Variants in PCDHGA3 observed in about 807,000 individuals in gnomAD.
PCDHGA3 encodes protocadherin gamma-A3.
In PCDHGA3, 40 loss-of-function variants were observed where a neutral mutation model predicts 58.5. That is an observed-to-expected ratio of 0.68 (90% CI 0.53 to 0.89). The LOEUF (loss-of-function observed/expected upper bound fraction) is 0.89. PCDHGA3 is among the 40% of genes least tolerant of loss of function. The pLI is 0.00. For synonymous variants in PCDHGA3, 530 were observed against 525.7 expected, an observed-to-expected ratio of 1.01 and a Z score of -0.11; for missense variants, 1,223 against 1,195.9, an observed-to-expected ratio of 1.02 and a Z score of -0.33.
intron 1 of PCDHGA3, among the ~76,000 whole-genome samples, chr5:141,467,055 C>CTTT (rs1193465269): frequency 2.2e-5 from 3 of 134,494 alleles, no homozygotes; most frequent in Admixed American, 7.5e-5. Context: ...TCAATGTTTT[C>CTTT]TTTTTTTTTT....
chr5:141,410,341 G>A (rs759674499), intron 1 of PCDHGA3: 1 of 1,613,992 alleles, frequency 6.2e-7, no homozygotes, highest in Non-Finnish European at 8.5e-7. Context: ...CCATTGCCTT[G>A]CGCCTGCGAC....
At chr5:141,417,635 G>A in intron 1 of PCDHGA3, 1 of 724,902 alleles carries the variant, frequency 1.4e-6, no homozygotes, top group Non-Finnish European at 2.1e-6. Context: ...CTGACGCCGG[G>A]GATCCCTCAG....
rs770354956 is a variant in PCDHGA3, at chr5:141,399,731, C to T, written c.2424+53274C>T. Reference sequence around the variant, plus strand: ...ACACTACAGGCCCGCGACCAGGGCTCGCCTGCGCTCAGCGCAAACGTGAGC... The same window carrying T: ...ACACTACAGGCCCGCGACCAGGGCTTGCCTGCGCTCAGCGCAAACGTGAGC... On this transcript the variant is annotated intron_variant, in intron 1 of 3. Transcript: ENST00000253812. 229 of 1,613,292 alleles carry T rather than the reference C, an allele frequency of 1.4e-4. No homozygotes were observed. The highest frequency in any genetic ancestry group is 1.8e-4 in the Non-Finnish European group (217 of 1,179,878).
Position 141,486,319 on chromosome 5 carries a change from C to T in PCDHGA3, c.2425-8488C>T, listed in dbSNP as rs148184642. The T allele has an allele frequency of 1.7e-4, 268 of 1,614,058 alleles. No individual in the cohort carries two copies. The African/African-American group carries it at 1.7e-3, about 10-fold the overall frequency. Reference sequence around the variant, plus strand: ...TGCAGGATCCAGACTCAGGGTCAAACGGAGATGTGAGCCTCCGCATTCCTG... The same window carrying T: ...TGCAGGATCCAGACTCAGGGTCAAATGGAGATGTGAGCCTCCGCATTCCTG... On this transcript the variant is annotated intron_variant, in intron 1 of 3. Transcript: ENST00000253812. The surrounding 1 kb of genome is among the most constrained non-coding windows in gnomAD (Gnocchi z 5.0).
intron 1 of PCDHGA3, among the ~76,000 whole-genome samples, chr5:141,474,463 T>C (rs1447737626): frequency 6.6e-6 from 1 of 152,228 alleles, no homozygotes; most frequent in Admixed American, 6.5e-5. Flanking sequence ...GCTATACTCT[T>C]TATTCTAAAT....
intron 1 of PCDHGA3, chr5:141,350,940 T>A (rs1185001853): frequency 6.2e-7 from 1 of 1,614,094 alleles, no homozygotes; most frequent in South Asian, 1.1e-5. Context: ...CATATCTGGA[T>A]CCGAGTTACG....
At chr5:141,375,177 T>C in intron 1 of PCDHGA3, 1 of 1,614,004 alleles carries the variant, frequency 6.2e-7, no homozygotes, top group Non-Finnish European at 8.5e-7. Flanking sequence ...CCAGGAACAG[T>C]AATCGCCCTT....
intron 1 of PCDHGA3, among the ~76,000 whole-genome samples, chr5:141,349,444 A>T (rs554674177): frequency 1.3e-5 from 2 of 152,234 alleles, no homozygotes; most frequent in Non-Finnish European, 2.9e-5. Context: ...ATTCCACTTC[A>T]TAAAAGCATG....
chr5:141,393,315 C>A, intron 1 of PCDHGA3: 1 of 1,613,104 alleles, frequency 6.2e-7, no homozygotes. Flanking sequence ...GAACTCCCTC[C>A]AGAGCTACCA....
chr5:141,389,457 G>A, intron 1 of PCDHGA3: 1 of 1,613,220 alleles, frequency 6.2e-7, no homozygotes, highest in Non-Finnish European at 8.5e-7. Context: ...GCAGCTGCGC[G>A]CCTTCGAACT....
chr5:141,511,403 A>C lies in PCDHGA3; in HGVS notation c.*230A>C. On this transcript the variant is annotated 3_prime_UTR_variant, in exon 4 of 4. Coordinates refer to ENST00000253812, the MANE Select transcript of PCDHGA3 (RefSeq NM_018916.4). Reference sequence around the variant, plus strand: ...TCCGCTGGGAACCCCCATCCAATCAACTGCTGTACCCATGGGGGTAGTGGG... The same window carrying C: ...TCCGCTGGGAACCCCCATCCAATCACCTGCTGTACCCATGGGGGTAGTGGG... 8.5e-6 allele frequency: 8 copies of C among 939,018 alleles called. No individual in the cohort carries two copies. The highest frequency in any genetic ancestry group is 1.2e-5 in the Non-Finnish European group (8 of 650,834). The allele number at this position is 939,018 out of a possible 1,614,324, so 58.2% of individuals were successfully genotyped here. A position where few individuals can be genotyped will look rare whatever the true frequency, so the allele number is the denominator to read the frequency against.
At chr5:141,447,437 G>A (rs1435222330) in intron 1 of PCDHGA3, among the ~76,000 whole-genome samples, 3 of 152,128 alleles carry the variant, frequency 2.0e-5, no homozygotes, top group Non-Finnish European at 2.9e-5. Context: ...CGCACCCGGA[G>A]GAAATTTTTA....
chr5:141,365,760 A>G, intron 1 of PCDHGA3: 1 of 1,613,756 alleles, frequency 6.2e-7, no homozygotes, highest in Non-Finnish European at 8.5e-7. Context: ...GTGACAGCCC[A>G]TGACCCCGAC....
At chr5:141,429,164 G>A (rs2097189096) in intron 1 of PCDHGA3, 1 of 131,392 alleles carries the variant, frequency 7.6e-6, no homozygotes, top group African/African-American at 3.1e-5. Flanking sequence ...CGGAGACATT[G>A]TTTATACACA....
At chr5:141,469,362 G>C (rs915161729) in intron 1 of PCDHGA3, among the ~76,000 whole-genome samples, 14 of 152,084 alleles carry the variant, frequency 9.2e-5, no homozygotes, top group Non-Finnish European at 7.4e-5. Flanking sequence ...GGATCATGAG[G>C]TAAAGAGATC....
chr5:141,486,474 C>G lies in PCDHGA3; in HGVS notation c.2425-8333C>G. ...ACTGCTTCTGATGCTGGGAACCCTC[C>G]TCTCAGTACCCACAGAACTATTTTC... On this transcript the variant is annotated intron_variant, in intron 1 of 3. Transcript: ENST00000253812. The surrounding 1 kb of genome is among the most constrained non-coding windows in gnomAD (Gnocchi z 5.0). The G allele has an allele frequency of 6.2e-7, 1 of 1,614,016 alleles. No individual in the cohort carries two copies. Among genetic ancestry groups the G allele is most frequent in the Non-Finnish European group, 8.5e-7 (1 of 1,179,822 alleles).
rs761938460 is a variant in PCDHGA3 at position 141,393,330 on chromosome 5, AG to A, written c.2424+46874del. On this transcript the variant is annotated intron_variant, in intron 1 of 3. Coordinates refer to ENST00000253812, the MANE Select transcript of PCDHGA3 (RefSeq NM_018916.4). The stretch of plus-strand genomic sequence containing the variant: ...GAACTCCCTCCAGAGCTACCAGCTC[AG>A]CCCCAATCACCACTTCTCCCTGGAC... The A allele has an allele frequency of 3.7e-6, 6 of 1,611,072 alleles. No individual in the cohort carries two copies. In the African/African-American group the frequency reaches 6.8e-5, roughly 18 times the overall value.
At chr5:141,347,279 G>A (rs759302173) in intron 1 of PCDHGA3, among the ~76,000 whole-genome samples, 9 of 151,622 alleles carry the variant, frequency 5.9e-5, no homozygotes, top group Non-Finnish European at 1.0e-4. Context: ...TCAGCCTCCC[G>A]AGTAGCTGGG....
In PCDHGA3 at chr5:141,432,854, G is replaced by A. The variant is rs769962088; in HGVS notation, c.2425-61953G>A. 1 of 1,614,192 alleles carries A rather than the reference G, an allele frequency of 6.2e-7. No homozygotes were observed. On this transcript the variant is annotated intron_variant, in intron 1 of 3. Transcript: ENST00000253812. The surrounding 1 kb of genome is among the most constrained non-coding windows in gnomAD (Gnocchi z 6.0). ...TCTGTACCTGGTGGTAGCGGTGGCC[G>A]CGGTCTCCTGCGTCTTCCTGGCCTT...
Sources: gnomAD v4.1 joint callset for allele counts (sites outside exome capture counted in the v4.1 genomes callset) on GRCh38, gnomAD v4.1.1 for gene constraint, Gnocchi (gnomAD v3.1) non-coding constraint, MANE v1.5 for transcripts, NCBI Gene and HGNC (gene_info 2026-07-23, HGNC 2026-07-21) for gene names.